The following ARHGEF26 variants were observed in gnomAD, a reference collection of about 807,000 sequenced individuals.
The protein encoded by ARHGEF26 is Rho guanine nucleotide exchange factor (GEF) 26.
ARHGEF26 carries 59 observed loss-of-function variants against 89.4 expected under a neutral mutation model. The observed-to-expected ratio is 0.66, with a 90% CI of 0.54 to 0.82. The LOEUF (loss-of-function observed/expected upper bound fraction) is 0.82. ARHGEF26 is among the 40% of genes least tolerant of loss of function. ARHGEF26 has a pLI of 0.00. For synonymous variants in ARHGEF26, 500 were observed against 428.4 expected (o/e 1.17, Z -2.06); for missense variants, 1,234 against 1,085.6 (o/e 1.14, Z -1.92).
At chr3:154,126,462 T>C (rs1025748691) in intron 3 of ARHGEF26, among the ~76,000 whole-genome samples, 4 of 152,210 alleles carry the variant, frequency 2.6e-5, no homozygotes, top group African/African-American at 9.6e-5. Context: ...TTCTATGTTA[T>C]GTAGCTCAAA....
chr3:154,167,972 TC>T (rs1400769839), intron 6 of ARHGEF26, among the ~76,000 whole-genome samples: 2 of 152,332 alleles, frequency 1.3e-5, no homozygotes, highest in Admixed American at 6.5e-5. Flanking sequence ...GTACAACCTA[TC>T]AACTGTGTGA....
At chr3:154,157,292 C>T (rs923914803) in intron 6 of ARHGEF26, among the ~76,000 whole-genome samples, 4 of 152,128 alleles carry the variant, frequency 2.6e-5, no homozygotes, top group Non-Finnish European at 4.4e-5. Flanking sequence ...TGGTAGTTGG[C>T]GAACACCTCC....
At chr3:154,223,536 A>C (rs1048339303) in intron 10 of ARHGEF26, among the ~76,000 whole-genome samples, 1 of 152,226 alleles carries the variant, frequency 6.6e-6, no homozygotes, top group African/African-American at 2.4e-5. Flanking sequence ...GTTCTTATAC[A>C]TGCCTTGTGG....
chr3:154,174,304 T>G (rs980597957), intron 6 of ARHGEF26, among the ~76,000 whole-genome samples: 1 of 152,238 alleles, frequency 6.6e-6, no homozygotes, highest in African/African-American at 2.4e-5. Context: ...TTCCTTAATT[T>G]TTAAATGTTT....
chr3:154,122,635 C>G lies in ARHGEF26; in HGVS notation c.643C>G (p.Leu215Val). ...GPQKSSSEQK[L>V]PLQRLPSQEN... Reference sequence around the variant, plus strand: ...CCAGAAAAGTTCTTCGGAACAAAAACTCCCCCTCCAAAGGCTGCCCTCCCA... The same window carrying G: ...CCAGAAAAGTTCTTCGGAACAAAAAGTCCCCCTCCAAAGGCTGCCCTCCCA... Residue 215 changes from leucine (L) to valine (V), a missense_variant, in exon 2 of 15, where the codon CTC (leucine) becomes GTC (valine). By Grantham distance (32) the Leu-to-Val change is conservative (BLOSUM62 1). Transcript: ENST00000465093. The G allele has an allele frequency of 1.2e-6, 2 of 1,613,912 alleles. No individual in the cohort carries two copies. Among genetic ancestry groups the G allele is most frequent in the South Asian group, 1.1e-5 (1 of 91,088 alleles).
chr3:154,157,632 A>G (rs1711498888), intron 6 of ARHGEF26, among the ~76,000 whole-genome samples: 1 of 152,148 alleles, frequency 6.6e-6, no homozygotes, highest in Admixed American at 6.5e-5. Context: ...GGGGCCTCCA[A>G]GGGATATTGA....
intron 2 of ARHGEF26, 37 bp from the exon 3 acceptor site, chr3:154,124,373 T>TTTTTTTTTTTTTTTTTTTC: frequency 6.4e-5 from 11 of 171,828 alleles, no homozygotes; most frequent in South Asian, 5.0e-4. Context: ...TTGCTTTTCC[T>TTTTTTTTTTTTTTTTTTTC]TTTTTTTTTT....
chr3:154,156,640 A>G (rs1720357484), intron 6 of ARHGEF26, among the ~76,000 whole-genome samples: 1 of 152,182 alleles, frequency 6.6e-6, no homozygotes, highest in East Asian at 1.9e-4. Context: ...CATTTCAGAT[A>G]CAGCCTTTTT....
chr3:154,124,304 A>T (rs1718184836), intron 2 of ARHGEF26, 106 bp from the exon 3 acceptor site: 1 of 802,890 alleles, frequency 1.2e-6, no homozygotes, highest in South Asian at 1.7e-5. Context: ...GTAATGACTA[A>T]AAAAAAGTAT....
chr3:154,214,208 T>G (rs985570856), intron 9 of ARHGEF26, among the ~76,000 whole-genome samples: 1 of 152,228 alleles, frequency 6.6e-6, no homozygotes, highest in South Asian at 2.1e-4. Flanking sequence ...GACTTTATTC[T>G]GAAAGCTTCA....
At chr3:154,167,413 C>G (rs1712113642) in intron 6 of ARHGEF26, among the ~76,000 whole-genome samples, 1 of 152,152 alleles carries the variant, frequency 6.6e-6, no homozygotes, top group African/African-American at 2.4e-5. Flanking sequence ...CCTTACCGCT[C>G]AATCTTCTTT....
chr3:154,162,004 G>T (rs377429828), intron 6 of ARHGEF26, among the ~76,000 whole-genome samples: 4 of 152,282 alleles, frequency 2.6e-5, no homozygotes, highest in South Asian at 4.1e-4. Flanking sequence ...GTCACATGGA[G>T]ATTTAAACTT....
chr3:154,183,175 A>C (rs944424544), intron 6 of ARHGEF26, among the ~76,000 whole-genome samples: 1 of 152,170 alleles, frequency 6.6e-6, no homozygotes, highest in African/African-American at 2.4e-5. Flanking sequence ...TTTGCTTGTG[A>C]TGGTGAGTTA....
chr3:154,161,440 T>C (rs1415322013), intron 6 of ARHGEF26, among the ~76,000 whole-genome samples: 3 of 152,294 alleles, frequency 2.0e-5, no homozygotes, highest in Admixed American at 2.0e-4. Context: ...TTAAATGATA[T>C]ACATAAAATG....
rs1718505459 is a variant in ARHGEF26, at chr3:154,256,389, CT to C, written c.*921del. 1 of 767,020 alleles carries C rather than the reference CT, an allele frequency of 1.3e-6. No individual in the cohort carries two copies. The highest frequency in any genetic ancestry group is 1.9e-5 in the African/African-American group (1 of 52,010). 47.5% of individuals were successfully genotyped at this position (767,020 alleles called of 1,614,324 possible). ...AAGAGTATGCCACCACGCCCAGCTACTTTTTGTATTTTTAGTAGAGACAGGG... is the reference window on the plus strand; with the variant it reads ...AAGAGTATGCCACCACGCCCAGCTACTTTTGTATTTTTAGTAGAGACAGGG... On this transcript the variant is annotated 3_prime_UTR_variant, in exon 15 of 15. Transcript: ENST00000465093.
chr3:154,160,011 A>T (rs1005399368), intron 6 of ARHGEF26, among the ~76,000 whole-genome samples: 3 of 152,150 alleles, frequency 2.0e-5, no homozygotes, highest in Admixed American at 1.3e-4. Flanking sequence ...AGTCTTTGGT[A>T]AACAAAGCCA....
chr3:154,197,840 G>T (rs73160556), intron 9 of ARHGEF26, among the ~76,000 whole-genome samples: 1 of 152,062 alleles, frequency 6.6e-6, no homozygotes, highest in African/African-American at 2.4e-5. Flanking sequence ...TGGTAATTCA[G>T]CTCATCTAGA....
In ARHGEF26 at chr3:154,225,961, G is replaced by A; in HGVS notation, c.2041G>A (p.Val681Ile). The change falls in exon 11 of 15, where the codon GTC becomes ATC. Residue 681 changes from valine to isoleucine, a missense_variant. Physicochemically the swap from Val to Ile is conservative, Grantham distance 29. Coordinates refer to ENST00000465093, the MANE Select transcript of ARHGEF26 (RefSeq NM_015595.4). The part of the protein sequence containing the change: ...LFSRRTSKQQ[V>I]YFFLFNDVLI... ...CTCAAGAAGGACATCCAAACAGCAA[G>A]TCTACTTCTTTCTCTTTAACGATGT... 6.2e-7 allele frequency: 1 copy of A among 1,612,994 alleles called. No homozygotes were observed. The highest frequency in any genetic ancestry group is 8.5e-7 in the Non-Finnish European group (1 of 1,179,428).
rs1394957467 is a variant in ARHGEF26 at position 154,255,400 on chromosome 3, T to C, written c.2543T>C (p.Ile848Thr). ...TTTCCTATGGAATGTGCCAAGGAGA[T>C]AACATGTCAAGCTACAATTGATAAG... ...GWFPMECAKE[I>T]TCQATIDKNV... Residue 848 changes from isoleucine (I) to threonine (T), a missense_variant, in exon 15 of 15, where the codon ATA becomes ACA. Transcript: ENST00000465093. The C allele has an allele frequency of 1.9e-6, 3 of 1,613,646 alleles. No individual in the cohort carries two copies. Among genetic ancestry groups the C allele is most frequent in the Non-Finnish European group, 2.5e-6 (3 of 1,179,848 alleles).
Sources: allele counts gnomAD v4.1 joint callset (sites outside exome capture counted in the v4.1 genomes callset), GRCh38; gene constraint gnomAD v4.1.1; transcripts MANE v1.5; gene names NCBI Gene and HGNC (gene_info 2026-07-23, HGNC 2026-07-21).